Variants in PLEKHA4 observed in about 807,000 individuals in gnomAD.
PLEKHA4 encodes pleckstrin homology domain-containing family A member 4.
Under a neutral mutation model 94.7 loss-of-function variants are expected in PLEKHA4, and 73 were observed. The observed-to-expected ratio is 0.77, with a 90% CI of 0.64 to 0.94. PLEKHA4 has a LOEUF of 0.94. PLEKHA4 is among the 40% of genes least tolerant of loss of function. PLEKHA4 has a pLI of 0.00. For synonymous variants in PLEKHA4, 449 were observed against 437.1 expected, an observed-to-expected ratio of 1.03 and a Z score of -0.34; for missense variants, 1,049 against 1,054.1, an observed-to-expected ratio of 1.00 and a Z score of 0.07.
intron 9 of PLEKHA4, among the ~76,000 whole-genome samples, chr19:48,855,909 A>G (rs983129018): frequency 1.3e-5 from 2 of 152,074 alleles, no homozygotes; most frequent in Non-Finnish European, 2.9e-5. Flanking sequence ...GCAGTGGCTC[A>G]TGCCTGTAAT....
At chr19:48,852,123 C>T in intron 13 of PLEKHA4, 105 bp downstream of exon 13, 1 of 839,472 alleles carries the variant, frequency 1.2e-6, no homozygotes, top group East Asian at 2.5e-5. Context: ...TAAGGGTCAA[C>T]TGGGCGGGGC....
chr19:48,846,776 C>CA (rs973479808), intron 14 of PLEKHA4, among the ~76,000 whole-genome samples: 2 of 152,004 alleles, frequency 1.3e-5, no homozygotes, highest in African/African-American at 2.4e-5. Context: ...TCCAAAAAAA[C>CA]AAAAAAACTG....
Position 48,867,827 on chromosome 19 carries a change from G to A in PLEKHA4, c.-6-201C>T, listed in dbSNP as rs1381628519. Among the ~76,000 whole-genome samples the A allele has an allele frequency of 6.6e-6, 1 of 152,080 alleles. No individual in the cohort carries two copies. The highest frequency in any genetic ancestry group is 1.5e-5 in the Non-Finnish European group (1 of 67,994). ...GTAGGCGGCCCTGGCAGCTGCGGGAGGGGGCAGCTGTCTGCAGCCCAGGCC... is the reference window on the plus strand; with the variant it reads ...GTAGGCGGCCCTGGCAGCTGCGGGAAGGGGCAGCTGTCTGCAGCCCAGGCC... On this transcript the variant is annotated intron_variant, in intron 1 of 19. Transcript: ENST00000263265. The surrounding 1 kb of genome is among the most constrained non-coding windows in gnomAD (Gnocchi z 4.7).
chr19:48,841,320 C>T lies in PLEKHA4; in HGVS notation c.1744-10G>A, dbSNP rs114056410. On this transcript the variant is annotated splice_polypyrimidine_tract_variant and intron_variant, in intron 16 of 19. Transcript: ENST00000263265. ...GCCGGGCCACCGGGGCCTAGGGAGG[C>T]GAGAAACGTCCCAAGACCCAACCTT... is the stretch of plus-strand genomic sequence containing the variant. 2.8e-4 allele frequency: 450 copies of T among 1,595,528 alleles called. 2 individuals carry two copies. In the African/African-American group the frequency reaches 4.1e-3, roughly 14 times the overall value.
Position 48,865,596 on chromosome 19 carries a change from T to C in PLEKHA4, c.99A>G (p.Ala33=), listed in dbSNP as rs2036802870. The change falls in exon 3 of 20, where the codon GCA becomes GCG. Residue 33 remains alanine, a synonymous_variant. Transcript: ENST00000263265. ...SSLSPKKPTR[A]VNKIHAFGKR... ...TCCCAAAGGCGTGGATCTTGTTTACTGCCCGGGTGGGCTTCTGAGGAGAGA... is the reference window on the plus strand; with the variant it reads ...TCCCAAAGGCGTGGATCTTGTTTACCGCCCGGGTGGGCTTCTGAGGAGAGA... 1 of 1,613,600 alleles carries C rather than the reference T, an allele frequency of 6.2e-7. No homozygotes were observed. Among genetic ancestry groups the C allele is most frequent in the South Asian group, 1.1e-5 (1 of 91,064 alleles).
intron 9 of PLEKHA4, among the ~76,000 whole-genome samples, chr19:48,854,472 A>T (rs2036327852): frequency 6.6e-6 from 1 of 152,066 alleles, no homozygotes; most frequent in Non-Finnish European, 1.5e-5. Context: ...GGGCTCAAGC[A>T]ATCCTCCCAC....
rs1396442316 is a variant in PLEKHA4, at chr19:48,838,029, T to G, written c.2065A>C (p.Arg689=). The change falls in exon 19 of 20, where the codon AGA becomes CGA. Residue 689 remains arginine (R), a synonymous_variant. Coordinates refer to ENST00000263265, the MANE Select transcript of PLEKHA4 (RefSeq NM_020904.3). ...CCCAGCCAGTCACCTGTCATCATTC[T>G]GTGCCACTGCGACGCCTCAGTAGCC... is the stretch of plus-strand genomic sequence containing the variant. ...ALATEASQWH[R]MMTGGNLDSQ... 6.2e-7 allele frequency: 1 copy of G among 1,612,778 alleles called. No homozygotes were observed. Among genetic ancestry groups the G allele is most frequent in the Non-Finnish European group, 8.5e-7 (1 of 1,178,986 alleles).
Position 48,838,116 on chromosome 19 carries a change from T to C in PLEKHA4, c.1978A>G (p.Thr660Ala). ...CCTTCGGAAGTCGGCAAGTAAGGGGTGGTGTTCCTTGGACTAGAAAAAAAA... is the reference window on the plus strand; with the variant it reads ...CCTTCGGAAGTCGGCAAGTAAGGGGCGGTGTTCCTTGGACTAGAAAAAAAA... ...SGSWSSPRNT[T>A]PYLPTSEGHR... The change falls in exon 19 of 20, where the codon ACC (threonine) becomes GCC (alanine). Residue 660 changes from threonine to alanine, a missense_variant. Physicochemically the swap from Thr to Ala is moderately conservative, Grantham distance 58 (BLOSUM62 0). Transcript: ENST00000263265. 1 of 1,586,588 alleles carries C rather than the reference T, an allele frequency of 6.3e-7. No homozygotes were observed. Among genetic ancestry groups the C allele is most frequent in the South Asian group, 1.1e-5 (1 of 90,034 alleles).
At chr19:48,853,453 G>A (rs943031504) in intron 12 of PLEKHA4, among the ~76,000 whole-genome samples, 1 of 151,752 alleles carries the variant, frequency 6.6e-6, no homozygotes, top group Non-Finnish European at 1.5e-5. Flanking sequence ...GAGCTGAGAT[G>A]GCACCACTGT....
intron 3 of PLEKHA4, 36 bp downstream of exon 3, chr19:48,865,467 A>G: frequency 6.5e-7 from 1 of 1,528,564 alleles, no homozygotes; most frequent in Non-Finnish European, 9.1e-7. Flanking sequence ...CGGGGCACAG[A>G]CTTCAGTGTC....
At chr19:48,843,543 CA>C (rs1460246855) in intron 16 of PLEKHA4, among the ~76,000 whole-genome samples, 3 of 151,826 alleles carry the variant, frequency 2.0e-5, no homozygotes, top group African/African-American at 2.4e-5. Flanking sequence ...TGCAGTGGTG[CA>C]ATCATGGCTC....
At position 48,859,741 on chromosome 19, in the gene PLEKHA4, C is replaced by A. The variant is rs1359708657; in HGVS notation, c.477-57G>T. The A allele has an allele frequency of 1.5e-5, 23 of 1,487,496 alleles. No homozygotes were observed. The East Asian group carries it at 5.0e-4, about 33-fold the overall frequency. The allele number at this position is 1,487,496 out of a possible 1,614,324, so 92.1% of individuals were successfully genotyped here. ...CTTCGAACTTCATAACAGCCCTATT[C>A]TCTTGTCACAGGTGAGAACACAAGG... On this transcript the variant is annotated intron_variant, in intron 6 of 19. Transcript: ENST00000263265.
chr19:48,854,312 T>C (rs1252537214), intron 9 of PLEKHA4, 48 bp from the exon 10 acceptor site: 1 of 1,546,596 alleles, frequency 6.5e-7, no homozygotes, highest in Non-Finnish European at 8.9e-7. Context: ...AGGCTGGTCA[T>C]TCTTGTAACT....
At chr19:48,855,856 C>G (rs562636931) in intron 9 of PLEKHA4, among the ~76,000 whole-genome samples, 1 of 151,418 alleles carries the variant, frequency 6.6e-6, no homozygotes, top group Non-Finnish European at 1.5e-5. Context: ...TGGCAAAACC[C>G]TGTCTCTACA....
rs1207407258 is a variant in PLEKHA4, at chr19:48,853,599, GC to G, written c.1326+82del. The G allele has an allele frequency of 3.8e-6, 5 of 1,322,152 alleles. No individual in the cohort carries two copies. In the African/African-American group the frequency reaches 4.5e-5, roughly 12 times the overall value. 81.9% of individuals were successfully genotyped at this position (1,322,152 alleles called of 1,614,324 possible). A position where few individuals can be genotyped will look rare whatever the true frequency, so the allele number is the denominator to read the frequency against. On this transcript the variant is annotated intron_variant, in intron 12 of 19. Coordinates refer to ENST00000263265, the MANE Select transcript of PLEKHA4 (RefSeq NM_020904.3). ...CTTCTGAAGAACGATCTTCCTATGA[GC>G]CCTCTGGGGCAGGTCCCCTTCGTAA...
chr19:48,841,575 C>T (rs183484203), intron 16 of PLEKHA4, among the ~76,000 whole-genome samples: 1,661 of 151,700 alleles, frequency 0.011, 12 homozygotes, highest in Non-Finnish European at 0.016. Context: ...TGCAGTGAGC[C>T]GAGATCACGC....
intron 12 of PLEKHA4, 106 bp from the exon 13 acceptor site, chr19:48,852,432 T>C: frequency 1.2e-6 from 1 of 843,624 alleles, no homozygotes; most frequent in Admixed American, 2.2e-5. Context: ...GTTTGGTCCC[T>C]GGAGCCCTGC....
chr19:48,839,109 C>T, intron 18 of PLEKHA4, 96 bp downstream of exon 18: 1 of 784,600 alleles, frequency 1.3e-6, no homozygotes, highest in Non-Finnish European at 2.0e-6. Context: ...GCGATTTGTA[C>T]TTCCATATTC....
intron 13 of PLEKHA4, among the ~76,000 whole-genome samples, 160 bp from the exon 14 acceptor site, chr19:48,848,200 G>C (rs1012721272): frequency 2.6e-5 from 4 of 152,142 alleles, no homozygotes; most frequent in Non-Finnish European, 5.9e-5. Context: ...GAAAAAAACT[G>C]TCTTGGCTGG....
Sources: gnomAD v4.1 joint callset for allele counts (sites outside exome capture counted in the v4.1 genomes callset) on GRCh38, gnomAD v4.1.1 for gene constraint, Gnocchi (gnomAD v3.1) non-coding constraint, MANE v1.5 for transcripts, NCBI Gene and HGNC (gene_info 2026-07-23, HGNC 2026-07-21) for gene names.